CCDC178: variants seen among roughly 807,000 people sequenced by gnomAD.
The protein encoded by CCDC178 is coiled-coil domain-containing protein 178.
A neutral mutation model predicts 117.4 loss-of-function variants in CCDC178; 126 were observed. The ratio of observed to expected loss-of-function variants is 1.07; its 90% CI spans 0.93 to 1.24. The LOEUF (loss-of-function observed/expected upper bound fraction) is 1.24. Among genes scored for constraint, CCDC178 ranks in the 50% most tolerant of loss-of-function variants. CCDC178 has a pLI of 0.00. For synonymous variants in CCDC178, 283 were observed against 313.4 expected (o/e 0.90, Z 1.02); for missense variants, 1,030 against 986.9 (o/e 1.04, Z -0.59).
At chr18:33,079,263 T>C (rs1460185711) in intron 21 of CCDC178, among the ~76,000 whole-genome samples, 6 of 152,192 alleles carry the variant, frequency 3.9e-5, no homozygotes, top group South Asian at 2.1e-4. Flanking sequence ...TTACACCATA[T>C]ACAAAAATGG....
chr18:33,369,092 A>C (rs1381625424), intron 6 of CCDC178, among the ~76,000 whole-genome samples: 1 of 151,938 alleles, frequency 6.6e-6, no homozygotes, highest in Non-Finnish European at 1.5e-5. Flanking sequence ...GTGACCTATA[A>C]AGCATTTCCT....
chr18:33,288,440 T>A (rs1046784641), intron 12 of CCDC178, among the ~76,000 whole-genome samples: 9 of 125,356 alleles, frequency 7.2e-5, no homozygotes, highest in Non-Finnish European at 1.3e-4. Flanking sequence ...TTCCCTCCCC[T>A]TCCTTCCTTC....
At chr18:33,390,201 G>A (rs2144823790) in intron 4 of CCDC178, among the ~76,000 whole-genome samples, 1 of 151,324 alleles carries the variant, frequency 6.6e-6, no homozygotes, top group Admixed American at 6.6e-5. Context: ...GAGAGAGAGG[G>A]GAAACGTTTT....
chr18:33,285,108 T>C (rs992182120), intron 12 of CCDC178, among the ~76,000 whole-genome samples: 5 of 152,068 alleles, frequency 3.3e-5, no homozygotes, highest in Non-Finnish European at 5.9e-5. Context: ...TTTAAATAAA[T>C]TATTAAAAAT....
At chr18:33,206,227 A>C (rs2059043615) in intron 20 of CCDC178, among the ~76,000 whole-genome samples, 1 of 152,192 alleles carries the variant, frequency 6.6e-6, no homozygotes, top group Admixed American at 6.5e-5. Flanking sequence ...TATATATTTA[A>C]ATTGCCTAAA....
intron 21 of CCDC178, among the ~76,000 whole-genome samples, chr18:33,083,945 A>C (rs2057337569): frequency 6.6e-6 from 1 of 152,234 alleles, no homozygotes; most frequent in South Asian, 2.1e-4. Context: ...GGTTTTTGGC[A>C]TGGTTCAAGG....
At chr18:33,096,610 C>A (rs1252117283) in intron 20 of CCDC178, among the ~76,000 whole-genome samples, 1 of 151,812 alleles carries the variant, frequency 6.6e-6, no homozygotes, top group African/African-American at 2.4e-5. Context: ...ACCCTCCTCT[C>A]CCTAAAAAGA....
At chr18:33,180,434 A>G (rs1414535479) in intron 20 of CCDC178, among the ~76,000 whole-genome samples, 1 of 151,944 alleles carries the variant, frequency 6.6e-6, no homozygotes, top group Non-Finnish European at 1.5e-5. Flanking sequence ...ATAATATATC[A>G]TAATGATTTT....
chr18:33,174,305 C>T (rs1430907903), intron 20 of CCDC178, among the ~76,000 whole-genome samples: 3 of 152,186 alleles, frequency 2.0e-5, no homozygotes, highest in Admixed American at 6.5e-5. Context: ...ACCTTCAGCA[C>T]TGGGGATTAC....
At chr18:33,154,020 T>C (rs1349909941) in intron 20 of CCDC178, among the ~76,000 whole-genome samples, 2 of 152,240 alleles carry the variant, frequency 1.3e-5, no homozygotes, top group African/African-American at 4.8e-5. Flanking sequence ...TTTAAAAATT[T>C]TGTGTCTTTA....
chr18:33,387,423 A>C (rs2063508184), intron 5 of CCDC178, among the ~76,000 whole-genome samples: 1 of 152,224 alleles, frequency 6.6e-6, no homozygotes, highest in African/African-American at 2.4e-5. Flanking sequence ...AAAAAATAAA[A>C]CAAACCTGGA....
At chr18:33,020,421 A>G (rs954152734) in intron 21 of CCDC178, among the ~76,000 whole-genome samples, 1 of 152,176 alleles carries the variant, frequency 6.6e-6, no homozygotes, top group African/African-American at 2.4e-5. Flanking sequence ...TATAGAAATA[A>G]TTGAGATTTA....
At chr18:33,346,907 T>TGGA (rs1245708527) in intron 8 of CCDC178, among the ~76,000 whole-genome samples, 3 of 152,224 alleles carry the variant, frequency 2.0e-5, no homozygotes, top group Non-Finnish European at 4.4e-5. Flanking sequence ...TTTGAAACTC[T>TGGA]ATTTATTTAG....
At chr18:33,142,737 T>C (rs2058222073) in intron 20 of CCDC178, among the ~76,000 whole-genome samples, 1 of 152,158 alleles carries the variant, frequency 6.6e-6, no homozygotes, top group Non-Finnish European at 1.5e-5. Flanking sequence ...AAAGCAGGCA[T>C]TTCACCATTT....
intron 21 of CCDC178, among the ~76,000 whole-genome samples, chr18:33,039,800 T>A (rs1227283057): frequency 1.3e-5 from 2 of 151,922 alleles, no homozygotes; most frequent in African/African-American, 4.8e-5. Flanking sequence ...CATTAAAAAT[T>A]TAGGCACTAA....
chr18:33,078,968 A>C lies in CCDC178; in HGVS notation c.2388+13793T>G, dbSNP rs1175417220. ...TGAAACAAAAAAGCCTGAATAGCCAAGGCAATCCCATGCAAAAAGAACAAA... is the reference window on the plus strand; with the variant it reads ...TGAAACAAAAAAGCCTGAATAGCCACGGCAATCCCATGCAAAAAGAACAAA... On this transcript the variant is annotated intron_variant, in intron 21 of 22. Transcript: ENST00000383096. 1.4e-4 allele frequency among the ~76,000 whole-genome samples: 21 copies of C among 152,318 alleles called. No individual in the cohort carries two copies. In the East Asian group the frequency reaches 2.9e-3, roughly 21 times the overall value.
At chr18:33,360,070 G>C (rs1260157360) in intron 6 of CCDC178, among the ~76,000 whole-genome samples, 5 of 150,350 alleles carry the variant, frequency 3.3e-5, no homozygotes, top group Non-Finnish European at 7.4e-5. Context: ...TTTTTTAATG[G>C]ACGATAACAA....
At chr18:33,379,740 A>G (rs2063416335) in intron 5 of CCDC178, among the ~76,000 whole-genome samples, 1 of 152,094 alleles carries the variant, frequency 6.6e-6, no homozygotes, top group South Asian at 2.1e-4. Flanking sequence ...GCATGGAGCA[A>G]AGTGAACCCC....
rs146780705 is a variant in CCDC178 at position 33,015,597 on chromosome 18, A to G, written c.2389-40916T>C. 1.4e-3 allele frequency among the ~76,000 whole-genome samples: 209 copies of G among 152,050 alleles called. 1 individual carries two copies. Among genetic ancestry groups the G allele is most frequent in the African/African-American group, 4.3e-3 (180 of 41,458 alleles). Reference sequence around the variant, plus strand: ...ACAACAACAACAAACAACAACAACAAAAACAGGAAACCATGGCTAATTGGG... The same window carrying G: ...ACAACAACAACAAACAACAACAACAGAAACAGGAAACCATGGCTAATTGGG... On this transcript the variant is annotated intron_variant, in intron 21 of 22. Coordinates refer to ENST00000383096, the MANE Select transcript of CCDC178 (RefSeq NM_001105528.4).
Sources: gnomAD v4.1 joint callset for allele counts (sites outside exome capture counted in the v4.1 genomes callset) on GRCh38, gnomAD v4.1.1 for gene constraint, MANE v1.5 for transcripts, NCBI Gene and HGNC (gene_info 2026-07-23, HGNC 2026-07-21) for gene names.